KICS2: variants seen among roughly 807,000 people sequenced by gnomAD.
KICS2 encodes the protein KICSTOR subunit 2, also known as KICSTOR complex protein C12orf66.
Under a neutral mutation model 31.4 loss-of-function variants are expected in KICS2, and 13 were observed. The observed-to-expected ratio is 0.41, with a 90% CI of 0.27 to 0.66. KICS2 has a LOEUF of 0.66. Ranked by LOEUF, KICS2 falls within the 30% of genes least tolerant of loss-of-function variation. The pLI is 0.28. For synonymous variants in KICS2, 209 were observed against 214.8 expected (o/e 0.97, Z 0.24); for missense variants, 455 against 545.4 (o/e 0.83, Z 1.65).
chr12:64,189,724 T>C (rs2037365007), downstream of KICS2, among the ~76,000 whole-genome samples: 1 of 151,960 alleles, frequency 6.6e-6, no homozygotes, highest in South Asian at 2.1e-4. Flanking sequence ...GGAAGGGCCA[T>C]AAAAACACTG....
intron 2 of KICS2, among the ~76,000 whole-genome samples, chr12:64,213,756 A>G (rs970298921): frequency 1.5e-4 from 23 of 152,266 alleles, no homozygotes; most frequent in African/African-American, 5.3e-4. Flanking sequence ...TCTGCTAGCA[A>G]CTCACACTCA....
downstream of KICS2, among the ~76,000 whole-genome samples, chr12:64,188,650 G>C (rs2037357918): frequency 6.6e-6 from 1 of 151,952 alleles, no homozygotes; most frequent in South Asian, 2.1e-4. Context: ...CAGTAATTAA[G>C]AGAGAAAATT....
At chr12:64,202,841 C>A (rs2037503102) in intron 2 of KICS2, among the ~76,000 whole-genome samples, 1 of 152,102 alleles carries the variant, frequency 6.6e-6, no homozygotes, top group East Asian at 1.9e-4. Context: ...GACATCCTCT[C>A]TTCTAGGCAC....
At chr12:64,218,895 CT>C (rs979903742) in intron 1 of KICS2, among the ~76,000 whole-genome samples, 5 of 152,166 alleles carry the variant, frequency 3.3e-5, no homozygotes, top group Non-Finnish European at 7.3e-5. Context: ...AAACAGTTCT[CT>C]TTTCTCAAAG....
At chr12:64,212,913 A>ATAT (rs2037594930) in intron 2 of KICS2, among the ~76,000 whole-genome samples, 2 of 152,000 alleles carry the variant, frequency 1.3e-5, no homozygotes, top group Non-Finnish European at 2.9e-5. Context: ...AACATGGAGA[A>ATAT]ACCCTGTCTC....
intron 2 of KICS2, among the ~76,000 whole-genome samples, chr12:64,214,741 C>T (rs2037612828): frequency 6.6e-6 from 1 of 152,056 alleles, no homozygotes; most frequent in African/African-American, 2.4e-5. Flanking sequence ...ATTAGCCAGG[C>T]ATAGTGGCAT....
intron 1 of KICS2, chr12:64,221,348 ATCTACT>A (rs1354373159): frequency 2.0e-5 from 3 of 152,176 alleles, no homozygotes; most frequent in African/African-American, 7.2e-5. Flanking sequence ...TTTCCTTCTC[ATCTACT>A]TATACTTATT....
rs1179692416 is a variant in KICS2, at chr12:64,191,596, A to G, written c.*2246T>C. 1 of 152,230 alleles carries G rather than the reference A, an allele frequency of 6.6e-6. No homozygotes were observed. Among genetic ancestry groups the G allele is most frequent in the African/African-American group, 2.4e-5 (1 of 41,458 alleles). The allele number at this position is 152,230 out of a possible 1,614,324, so 9.4% of individuals were successfully genotyped here. ...ATTTTTCAGTTTCTTGGCAGAACAC[A>G]ATAGAGAGGAAAAGTGATTTGACTT... On this transcript the variant is annotated 3_prime_UTR_variant, in exon 3 of 3. Transcript: ENST00000398055.
chr12:64,190,670 G>A (rs1482181797), downstream of KICS2, among the ~76,000 whole-genome samples: 1 of 151,794 alleles, frequency 6.6e-6, no homozygotes, highest in Non-Finnish European at 1.5e-5. Context: ...GGACTGTTGA[G>A]CCTAGGAGTT....
At chr12:64,218,322 C>T (rs1592390324) in intron 1 of KICS2, among the ~76,000 whole-genome samples, 1 of 152,244 alleles carries the variant, frequency 6.6e-6, no homozygotes, top group African/African-American at 2.4e-5. Flanking sequence ...GTCTGAAAGA[C>T]TTGGTTTCAA....
chr12:64,221,025 C>A (rs1450350892), intron 1 of KICS2, among the ~76,000 whole-genome samples: 1 of 148,006 alleles, frequency 6.8e-6, no homozygotes, highest in East Asian at 2.0e-4. Context: ...GAAGCCCTGT[C>A]TCTTGAGTGT....
intron 2 of KICS2, among the ~76,000 whole-genome samples, chr12:64,194,902 T>C (rs1372515159): frequency 6.6e-6 from 1 of 152,072 alleles, no homozygotes; most frequent in African/African-American, 2.4e-5. Context: ...CACTTTTCCT[T>C]TCAACAACAG....
At chr12:64,196,332 A>T (rs1254123600) in intron 2 of KICS2, among the ~76,000 whole-genome samples, 1 of 151,776 alleles carries the variant, frequency 6.6e-6, no homozygotes, top group Non-Finnish European at 1.5e-5. Flanking sequence ...ACCCCCCAGC[A>T]GGGGCAGACT....
chr12:64,213,196 T>A (rs899145294), intron 2 of KICS2, among the ~76,000 whole-genome samples: 1 of 152,108 alleles, frequency 6.6e-6, no homozygotes, highest in Non-Finnish European at 1.5e-5. Flanking sequence ...TGGTTGTAGG[T>A]AGCACACAAC....
At chr12:64,211,994 G>T (rs1592387245) in intron 2 of KICS2, among the ~76,000 whole-genome samples, 1 of 152,110 alleles carries the variant, frequency 6.6e-6, no homozygotes, top group Non-Finnish European at 1.5e-5. Flanking sequence ...GTATGTAGGA[G>T]GAAAGTGTCA....
rs899675688 is a variant in KICS2 at position 64,222,252 on chromosome 12, A to G, written c.-15T>C. On this transcript the variant is annotated 5_prime_UTR_variant, in exon 1 of 3. Coordinates refer to ENST00000398055, the MANE Select transcript of KICS2 (RefSeq NM_152440.5). ...GACTCCCCCATGCGAGCTGCGCCCC[A>G]GCTCGACCCACGTGGCTCTCCTCGG... 1.9e-6 allele frequency: 3 copies of G among 1,612,172 alleles called. No individual in the cohort carries two copies. In the African/African-American group the frequency reaches 4.0e-5, roughly 22 times the overall value.
chr12:64,201,114 CAAATGACTAT>C (rs1420855011), intron 2 of KICS2, among the ~76,000 whole-genome samples: 1 of 145,220 alleles, frequency 6.9e-6, no homozygotes, highest in Non-Finnish European at 1.5e-5. Context: ...GGTATATACC[CAAATGACTAT>C]AAATCATGCT....
At position 64,193,004 on chromosome 12, in the gene KICS2, A is replaced by G. The variant is rs1048800691; in HGVS notation, c.*838T>C. ...AAACCGACTGCATGCTTTTAAGCCT[A>G]AAAATAACCAAGGAGTAGAGCCAAA... On this transcript the variant is annotated 3_prime_UTR_variant, in exon 3 of 3. Transcript: ENST00000398055. 8.1e-6 allele frequency: 8 copies of G among 985,334 alleles called. No individual in the cohort carries two copies. Among genetic ancestry groups the G allele is most frequent in the Non-Finnish European group, 9.6e-6 (8 of 829,932 alleles). The allele number at this position is 985,334 out of a possible 1,614,324, so 61.0% of individuals were successfully genotyped here.
At chr12:64,215,243 T>C (rs1000936281) in intron 2 of KICS2, among the ~76,000 whole-genome samples, 11 of 151,844 alleles carry the variant, frequency 7.2e-5, no homozygotes, top group Admixed American at 1.3e-4. Context: ...ACCCAGGAGG[T>C]GGAGGTTGCA....
Sources: allele counts gnomAD v4.1 joint callset (sites outside exome capture counted in the v4.1 genomes callset), GRCh38; gene constraint gnomAD v4.1.1; transcripts MANE v1.5; gene names NCBI Gene and HGNC (gene_info 2026-07-23, HGNC 2026-07-21).